NKTR: variants seen among roughly 807,000 people sequenced by gnomAD.
The protein encoded by NKTR is NK-tumor recognition protein.
Under a neutral mutation model 156.3 loss-of-function variants are expected in NKTR, and 67 were observed. That is an observed-to-expected ratio of 0.43 (90% CI 0.35 to 0.53). The LOEUF is 0.53. Among genes scored for constraint, NKTR ranks in the 20% least tolerant of loss-of-function variants. The probability of loss-of-function intolerance (pLI) is 0.01; values close to 1 mark genes in which losing one functional copy is unlikely to be tolerated. For synonymous variants in NKTR, 640 were observed against 596.6 expected (o/e 1.07, Z -1.06); for missense variants, 1,604 against 1,730.9 (o/e 0.93, Z 1.30).
At position 42,648,650 on chromosome 3, in the gene NKTR, A is replaced by G. The variant is rs545407265; in HGVS notation, c.*2675A>G. 5.3e-4 allele frequency: 81 copies of G among 152,812 alleles called. No homozygotes were observed. Among genetic ancestry groups the G allele is most frequent in the African/African-American group, 1.9e-3 (78 of 41,590 alleles). 9.5% of individuals were successfully genotyped at this position (152,812 alleles called of 1,614,324 possible). A position where few individuals can be genotyped will look rare whatever the true frequency, so the allele number is the denominator to read the frequency against. On this transcript the variant is annotated 3_prime_UTR_variant, in exon 17 of 17. Transcript: ENST00000232978. ...ATAAAATACTTTTGTACATATTAGCAATGTCTAATTTGTATACACTTCAGT... is the reference window on the plus strand; with the variant it reads ...ATAAAATACTTTTGTACATATTAGCGATGTCTAATTTGTATACACTTCAGT...
At chr3:42,609,031 G>T (rs1489287079) in intron 2 of NKTR, among the ~76,000 whole-genome samples, 1 of 152,126 alleles carries the variant, frequency 6.6e-6, no homozygotes, top group Admixed American at 6.5e-5. Context: ...AGGAGGCTAA[G>T]GCAGGAGAAT....
At position 42,645,932 on chromosome 3, in the gene NKTR, ACT is replaced by A. The variant is rs1710324774; in HGVS notation, c.4350_4351del (p.His1451SerfsTer6). 6.2e-7 allele frequency: 1 copy of A among 1,613,718 alleles called. No homozygotes were observed. Among genetic ancestry groups the A allele is most frequent in the Non-Finnish European group, 8.5e-7 (1 of 1,179,724 alleles). On this transcript the variant is annotated frameshift_variant, in exon 17 of 17. Transcript: ENST00000232978. LOFTEE classifies it high-confidence loss of function. ...TCTGACAGTGAAAGTGACCGAAGTTACTCTCATCACCGGAGCCCCAGTGAGAG... is the reference window on the plus strand; with the variant it reads ...TCTGACAGTGAAAGTGACCGAAGTTACTCATCACCGGAGCCCCAGTGAGAG...
chr3:42,604,730 G>T lies in NKTR; in HGVS notation c.58+3666G>T, dbSNP rs1706053223. ...GAGTCTTGCTCTGTCGCCCAGGCTG[G>T]AATGCTGGAGTGCAGTGGCATGATC... is the stretch of plus-strand genomic sequence containing the variant. On this transcript the variant is annotated intron_variant, in intron 2 of 16. Transcript: ENST00000232978. Among the ~76,000 whole-genome samples, 3 of 129,212 alleles carry T rather than the reference G, an allele frequency of 2.3e-5. No homozygotes were observed. In the South Asian group the frequency reaches 7.4e-4, roughly 32 times the overall value. The allele number at this position is 129,212 out of a possible 152,430, so 84.8% of individuals were successfully genotyped here.
At chr3:42,618,886 T>C (rs1442632448) in intron 3 of NKTR, 134 bp from the exon 4 acceptor site, 3 of 690,180 alleles carry the variant, frequency 4.3e-6, no homozygotes, top group Non-Finnish European at 2.4e-6. Context: ...AATTATCATG[T>C]CATCTATTTC....
chr3:42,643,456 CTGTT>C lies in NKTR; in HGVS notation c.4199+66_4199+69del, dbSNP rs1193472412. 6.6e-6 allele frequency: 9 copies of C among 1,369,070 alleles called. No homozygotes were observed. The East Asian group carries it at 6.9e-5, about 10-fold the overall frequency. 84.8% of individuals were successfully genotyped at this position (1,369,070 alleles called of 1,614,324 possible). A position where few individuals can be genotyped will look rare whatever the true frequency, so the allele number is the denominator to read the frequency against. ...GAACTGAAAGATCTTGTTTTGTAAA[CTGTT>C]TGTTCAAAGTGGTATTTTATTGAGT... On this transcript the variant is annotated intron_variant, in intron 15 of 16. Coordinates refer to ENST00000232978, the MANE Select transcript of NKTR (RefSeq NM_005385.4).
intron 6 of NKTR, among the ~76,000 whole-genome samples, chr3:42,626,303 C>T (rs990309038): frequency 4.6e-5 from 7 of 151,536 alleles, no homozygotes; most frequent in African/African-American, 1.5e-4. Context: ...TTATTACATT[C>T]AAAACTCTTA....
chr3:42,624,147 T>C (rs1262620844), intron 6 of NKTR, among the ~76,000 whole-genome samples: 4 of 152,128 alleles, frequency 2.6e-5, no homozygotes, highest in East Asian at 3.9e-4. Context: ...GGAACAATTA[T>C]ATACATGATG....
intron 1 of NKTR, 51 bp from the exon 2 acceptor site, chr3:42,600,933 C>G: frequency 8.4e-7 from 1 of 1,183,608 alleles, no homozygotes; most frequent in Non-Finnish European, 1.1e-6. Flanking sequence ...CCCCTGCCCT[C>G]GCCCCCGCCC....
At chr3:42,602,263 A>T (rs374999187) in intron 2 of NKTR, 1 of 152,242 alleles carries the variant, frequency 6.6e-6, no homozygotes, top group Admixed American at 6.5e-5. Flanking sequence ...GTGGAGTAAC[A>T]TCCTGTACAG....
Position 42,639,618 on chromosome 3 carries a change from G to T in NKTR, c.3914G>T (p.Arg1305Leu). 2 of 1,614,132 alleles carry T rather than the reference G, an allele frequency of 1.2e-6. No homozygotes were observed. The highest frequency in any genetic ancestry group is 1.7e-6 in the Non-Finnish European group (2 of 1,180,000). ...TCAAGTGATGAGCAGACGCCTAGTC[G>T]GGATGATGATAGCCAGTCCAGGAGT... is the stretch of plus-strand genomic sequence containing the variant. ...ESSSDEQTPS[R>L]DDDSQSRSPS... Residue 1305 changes from arginine (R) to leucine (L), a missense_variant, in exon 13 of 17, where the codon CGG (arginine) becomes CTG (leucine). By Grantham distance (102) the Arg-to-Leu change is moderately radical. Coordinates refer to ENST00000232978, the MANE Select transcript of NKTR (RefSeq NM_005385.4).
In NKTR at chr3:42,648,425, C is replaced by T. The variant is rs1480067083; in HGVS notation, c.*2450C>T. The T allele has an allele frequency of 6.6e-6, 1 of 152,216 alleles. No individual in the cohort carries two copies. Among genetic ancestry groups the T allele is most frequent in the Non-Finnish European group, 1.5e-5 (1 of 68,030 alleles). The allele number at this position is 152,216 out of a possible 1,614,324, so 9.4% of individuals were successfully genotyped here. Reference sequence around the variant, plus strand: ...GGAAAAGGACAGCCCTCTGCTGCAGCGTTCAACTTGTGTGTTTACTGACAG... The same window carrying T: ...GGAAAAGGACAGCCCTCTGCTGCAGTGTTCAACTTGTGTGTTTACTGACAG... On this transcript the variant is annotated 3_prime_UTR_variant, in exon 17 of 17. Coordinates refer to ENST00000232978, the MANE Select transcript of NKTR (RefSeq NM_005385.4).
In NKTR at chr3:42,614,576, A is replaced by G. The variant is rs542449351; in HGVS notation, c.59-2994A>G. The stretch of plus-strand genomic sequence containing the variant: ...TTGTTGAAAACCTGTTAATCTTGCT[A>G]ATGAGCTTCAGTTCAAGTTAGTATT... On this transcript the variant is annotated intron_variant, in intron 2 of 16. Coordinates refer to ENST00000232978, the MANE Select transcript of NKTR (RefSeq NM_005385.4). Among the ~76,000 whole-genome samples, 4 of 152,270 alleles carry G rather than the reference A, an allele frequency of 2.6e-5. No homozygotes were observed. The South Asian group carries it at 6.2e-4, about 24-fold the overall frequency.
chr3:42,611,422 A>G (rs901302787), intron 2 of NKTR, among the ~76,000 whole-genome samples: 29 of 152,006 alleles, frequency 1.9e-4, no homozygotes. Context: ...TGTTAGTTCT[A>G]CTTGTGAATA....
Position 42,637,020 on chromosome 3 carries a change from A to G in NKTR, c.1316A>G (p.Lys439Arg). 1 of 1,612,648 alleles carries G rather than the reference A, an allele frequency of 6.2e-7. No individual in the cohort carries two copies. Among genetic ancestry groups the G allele is most frequent in the East Asian group, 2.2e-5 (1 of 44,868 alleles). ...KRRKEKKVKH[K>R]KKGKKQKHCR... ...AGAAAAGAAAAAAAGGTTAAGCATA[A>G]AAAGAAAGGGAAAAAGCAGAAACAC... Residue 439 changes from lysine (K) to arginine (R), a missense_variant, in exon 13 of 17, where the codon AAA (lysine) becomes AGA (arginine). Physicochemically the swap from Lys to Arg is conservative, Grantham distance 26 (BLOSUM62 2). Transcript: ENST00000232978.
At chr3:42,604,250 C>T (rs1381152648) in intron 2 of NKTR, among the ~76,000 whole-genome samples, 2 of 152,134 alleles carry the variant, frequency 1.3e-5, no homozygotes, top group Non-Finnish European at 2.9e-5. Context: ...AGATTTTGAT[C>T]TGATTGAATT....
At chr3:42,616,096 T>G (rs1287525992) in intron 2 of NKTR, among the ~76,000 whole-genome samples, 3 of 152,230 alleles carry the variant, frequency 2.0e-5, no homozygotes, top group Non-Finnish European at 4.4e-5. Context: ...TATAATGCAG[T>G]ATCATTGTTT....
Position 42,639,764 on chromosome 3 carries a change from TCTTTC to T in NKTR, c.4046+20_4046+24del, listed in dbSNP as rs763466080. On this transcript the variant is annotated intron_variant, in intron 13 of 16. Transcript: ENST00000232978. ...ATCATCTTATCGGTGAGCAATATTCTCTTTCCTTTCTTCTCCCAAGGAGAGTCTGT... is the reference window on the plus strand; with the variant it reads ...ATCATCTTATCGGTGAGCAATATTCTCTTTCTTCTCCCAAGGAGAGTCTGT... 3 of 1,537,966 alleles carry T rather than the reference TCTTTC, an allele frequency of 2.0e-6. No homozygotes were observed. Among genetic ancestry groups the T allele is most frequent in the South Asian group, 2.4e-5 (2 of 84,150 alleles).
At chr3:42,600,658 G>A (rs929579626), upstream of NKTR, 13 of 187,700 alleles carry the variant, frequency 6.9e-5, no homozygotes, top group East Asian at 1.8e-3. Flanking sequence ...GTTTAGCGTG[G>A]CATTGGGAGG....
rs149734658 is a variant in NKTR at position 42,633,713 on chromosome 3, G to T, written c.907G>T (p.Val303Phe). The T allele has an allele frequency of 1.4e-4, 229 of 1,614,018 alleles. 1 individual carries two copies. The African/African-American group carries it at 2.7e-3, about 19-fold the overall frequency. ...ATTTTTACTGAGAAGAGATATGCCTGTTGTTACTGCAGAACCTGAACCGTA... is the reference window on the plus strand; with the variant it reads ...ATTTTTACTGAGAAGAGATATGCCTTTTGTTACTGCAGAACCTGAACCGTA... ...NRFLLRRDMP[V>F]VTAEPEPKIP... is the part of the protein sequence containing the mutation. The change falls in exon 10 of 17, where the codon GTT (valine) becomes TTT (phenylalanine). Residue 303 changes from valine to phenylalanine, a missense_variant. Coordinates refer to ENST00000232978, the MANE Select transcript of NKTR (RefSeq NM_005385.4).
Sources: allele counts gnomAD v4.1 joint callset (sites outside exome capture counted in the v4.1 genomes callset), GRCh38; gene constraint gnomAD v4.1.1; transcripts MANE v1.5; gene names NCBI Gene and HGNC (gene_info 2026-07-23, HGNC 2026-07-21).